The following PPFIBP1 variants were observed in gnomAD, a reference collection of about 807,000 sequenced individuals.
The protein encoded by PPFIBP1 is liprin-beta-1.
PPFIBP1 carries 112 observed loss-of-function variants against 137.8 expected under a neutral mutation model. That is an observed-to-expected ratio of 0.81 (90% CI 0.70 to 0.95). PPFIBP1 has a LOEUF of 0.95. PPFIBP1 is among the 40% of genes least tolerant of loss of function. The probability of loss-of-function intolerance (pLI) is 0.00; values close to 1 mark genes in which losing one functional copy is unlikely to be tolerated. For missense variants in PPFIBP1, 1,083 were observed against 1,196.6 expected (o/e 0.91, Z 1.40); for synonymous variants, 378 against 417.3 (o/e 0.91, Z 1.15).
chr12:27,681,475 G>A, intron 21 of PPFIBP1, 71 bp from the exon 22 acceptor site: 1 of 1,522,820 alleles, frequency 6.6e-7, no homozygotes, highest in South Asian at 1.2e-5. Context: ...ATGTATAGTT[G>A]TTTAAAACTA....
chr12:27,592,770 T>A, intron 2 of PPFIBP1: 1 of 816,024 alleles, frequency 1.2e-6, no homozygotes, highest in Non-Finnish European at 2.1e-6. Flanking sequence ...ATAAAGAATA[T>A]GTTAGGTAGG....
chr12:27,666,811 A>G (rs2059885702), intron 12 of PPFIBP1, among the ~76,000 whole-genome samples: 1 of 152,224 alleles, frequency 6.6e-6, no homozygotes, highest in Admixed American at 6.5e-5. Flanking sequence ...TTCAGTTTGA[A>G]TATTTCTACA....
chr12:27,577,197 C>A (rs1282727701), intron 1 of PPFIBP1, among the ~76,000 whole-genome samples: 2 of 151,216 alleles, frequency 1.3e-5, no homozygotes, highest in African/African-American at 4.8e-5. Flanking sequence ...CTGTTAAGCA[C>A]CTGCCTTTTC....
chr12:27,653,363 G>A (rs1357019887), intron 7 of PPFIBP1, among the ~76,000 whole-genome samples: 1 of 151,944 alleles, frequency 6.6e-6, no homozygotes, highest in Non-Finnish European at 1.5e-5. Context: ...AGGAGGGCGG[G>A]TCACTTGAGG....
intron 24 of PPFIBP1, among the ~76,000 whole-genome samples, chr12:27,683,094 C>T (rs1403889959): frequency 6.6e-6 from 1 of 152,128 alleles, no homozygotes; most frequent in Non-Finnish European, 1.5e-5. Flanking sequence ...GATGGAGTCT[C>T]GCTCTGTCAC....
chr12:27,692,549 T>C (rs775683328), intron 28 of PPFIBP1, 42 bp from the exon 29 acceptor site: 16 of 1,589,108 alleles, frequency 1.0e-5, no homozygotes, highest in East Asian at 6.7e-5. Context: ...TTCCCTGAAA[T>C]TGTGAAAACA....
Position 27,682,378 on chromosome 12 carries a change from T to C in PPFIBP1, c.2047-9T>C. 6.3e-7 allele frequency: 1 copy of C among 1,584,558 alleles called. No individual in the cohort carries two copies. The highest frequency in any genetic ancestry group is 8.7e-7 in the Non-Finnish European group (1 of 1,153,312). ...GATAGAATTATAAAGTCAATGTTTA[T>C]TGTTTCAGGAACTTGGAATCAAGCA... On this transcript the variant is annotated splice_polypyrimidine_tract_variant and intron_variant, in intron 22 of 29. Transcript: ENST00000228425.
intron 2 of PPFIBP1, among the ~76,000 whole-genome samples, chr12:27,591,072 G>A (rs922842239): frequency 6.6e-6 from 1 of 151,560 alleles, no homozygotes; most frequent in Non-Finnish European, 1.5e-5. Flanking sequence ...CTTAAATAAG[G>A]CAATTGAGCC....
intron 1 of PPFIBP1, among the ~76,000 whole-genome samples, chr12:27,570,088 T>C (rs2050012284): frequency 6.6e-6 from 1 of 152,234 alleles, no homozygotes; most frequent in African/African-American, 2.4e-5. Flanking sequence ...TGTGTTTTGG[T>C]ATATGTAAAA....
chr12:27,609,118 C>T, intron 2 of PPFIBP1: 1 of 154,160 alleles, frequency 6.5e-6, no homozygotes, highest in Non-Finnish European at 1.4e-5. Context: ...CGAAACTGGG[C>T]TGCCTGGCCA....
intron 1 of PPFIBP1, among the ~76,000 whole-genome samples, chr12:27,543,804 G>A (rs1449575177): frequency 6.6e-6 from 1 of 151,570 alleles, no homozygotes; most frequent in East Asian, 1.9e-4. Flanking sequence ...AATTGTAATA[G>A]TCAGTAGGAA....
At chr12:27,536,988 T>C (rs55642897) in intron 1 of PPFIBP1, among the ~76,000 whole-genome samples, 25,256 of 152,132 alleles carry the variant, frequency 0.17, 2,358 homozygotes, top group Middle Eastern at 0.26. Flanking sequence ...TCTCTTCTGG[T>C]CATCAGCAAG....
intron 12 of PPFIBP1, among the ~76,000 whole-genome samples, chr12:27,665,831 A>G (rs2059823626): frequency 6.6e-6 from 1 of 152,198 alleles, no homozygotes; most frequent in African/African-American, 2.4e-5. Context: ...AAGGTCTGGC[A>G]TAATCGATTT....
At chr12:27,532,998 A>G (rs1185925895) in intron 1 of PPFIBP1, among the ~76,000 whole-genome samples, 1 of 152,148 alleles carries the variant, frequency 6.6e-6, no homozygotes, top group Non-Finnish European at 1.5e-5. Flanking sequence ...AATGGCCCGT[A>G]TACAAAAGTT....
Position 27,689,286 on chromosome 12 carries a change from G to T in PPFIBP1, c.2685+83G>T, listed in dbSNP as rs1033721161. On this transcript the variant is annotated intron_variant, in intron 27 of 29. Coordinates refer to ENST00000228425, the MANE Select transcript of PPFIBP1 (RefSeq NM_003622.4). The stretch of plus-strand genomic sequence containing the variant: ...GTTACCTGGTTATTCTGTTTTCTGG[G>T]GTTTACTAAGTTTTGTGGGTGGGTT... 26 of 1,364,044 alleles carry T rather than the reference G, an allele frequency of 1.9e-5. No individual in the cohort carries two copies. In the African/African-American group the frequency reaches 3.4e-4, roughly 18 times the overall value. The allele number at this position is 1,364,044 out of a possible 1,614,324, so 84.5% of individuals were successfully genotyped here.
intron 27 of PPFIBP1, among the ~76,000 whole-genome samples, 171 bp downstream of exon 27, chr12:27,689,374 T>C (rs1474103219): frequency 6.6e-6 from 1 of 151,738 alleles, no homozygotes; most frequent in Non-Finnish European, 1.5e-5. Flanking sequence ...TGTTGGCCAA[T>C]AGACAGTTGA....
rs76051849 is a variant in PPFIBP1 at position 27,602,547 on chromosome 12, A to G, written c.-36+24308A>G. On this transcript the variant is annotated intron_variant, in intron 2 of 29. Coordinates refer to ENST00000228425, the MANE Select transcript of PPFIBP1 (RefSeq NM_003622.4). Reference sequence around the variant, plus strand: ...GGGCACCCTTTGAAAGACGTAGACAACTGAGCTAGATAGACTCTTATTTTC... The same window carrying G: ...GGGCACCCTTTGAAAGACGTAGACAGCTGAGCTAGATAGACTCTTATTTTC... 2.1e-3 allele frequency among the ~76,000 whole-genome samples: 320 copies of G among 152,360 alleles called. 1 individual carries two copies. Among genetic ancestry groups the G allele is most frequent in the Non-Finnish European group, 2.7e-3 (186 of 68,028 alleles).
In PPFIBP1 at chr12:27,680,057, A is replaced by C; in HGVS notation, c.1891A>C (p.Asn631His). The change falls in exon 21 of 30, where the codon AAC (asparagine) becomes CAC (histidine). Residue 631 changes from asparagine to histidine, a missense_variant. Coordinates refer to ENST00000228425, the MANE Select transcript of PPFIBP1 (RefSeq NM_003622.4). ...TTGGTCTCGAGACTTGGGACAGTCTAACAGGTAAGAAGAGCCAACTGATAG... is the reference window on the plus strand; with the variant it reads ...TTGGTCTCGAGACTTGGGACAGTCTCACAGGTAAGAAGAGCCAACTGATAG... ...LGWSRDLGQS[N>H]SDLDMPFAKW... The C allele has an allele frequency of 6.2e-7, 1 of 1,614,012 alleles. No individual in the cohort carries two copies. Among genetic ancestry groups the C allele is most frequent in the Non-Finnish European group, 8.5e-7 (1 of 1,179,918 alleles).
At chr12:27,691,278 C>T (rs960719950) in intron 27 of PPFIBP1, among the ~76,000 whole-genome samples, 1 of 151,814 alleles carries the variant, frequency 6.6e-6, no homozygotes, top group African/African-American at 2.4e-5. Context: ...TAAGTCCTGT[C>T]TAATCAAAAC....
Sources: gnomAD v4.1 joint callset for allele counts (sites outside exome capture counted in the v4.1 genomes callset) on GRCh38, gnomAD v4.1.1 for gene constraint, MANE v1.5 for transcripts, NCBI Gene and HGNC (gene_info 2026-07-23, HGNC 2026-07-21) for gene names.